IFT80: variants seen among roughly 807,000 people sequenced by gnomAD.
The protein encoded by IFT80 is intraflagellar transport 80.
Under a neutral mutation model 107.9 loss-of-function variants are expected in IFT80, and 79 were observed. The observed-to-expected ratio is 0.73, with a 90% CI of 0.61 to 0.88. The LOEUF is 0.88. Among genes scored for constraint, IFT80 ranks in the 40% least tolerant of loss-of-function variants. The probability of loss-of-function intolerance (pLI) is 0.00; values close to 1 mark genes in which losing one functional copy is unlikely to be tolerated. For synonymous variants in IFT80, 299 were observed against 300.9 expected (o/e 0.99, Z 0.07); for missense variants, 797 against 914.2 (o/e 0.87, Z 1.65).
At chr3:160,310,837 A>G (rs560987969) in intron 9 of IFT80, among the ~76,000 whole-genome samples, 10 of 152,292 alleles carry the variant, frequency 6.6e-5, no homozygotes, top group African/African-American at 2.2e-4. Flanking sequence ...ATAAATGAAC[A>G]TATTAATTGT....
Position 160,330,633 on chromosome 3 carries a change from A to G in IFT80, c.778-10694T>C, listed in dbSNP as rs187736270. ...CCGACCCCAGAGTGTCTGATTTAGTAGATGTGGGCTGGGGTCAAAAAATTT... is the reference window on the plus strand; with the variant it reads ...CCGACCCCAGAGTGTCTGATTTAGTGGATGTGGGCTGGGGTCAAAAAATTT... On this transcript the variant is annotated intron_variant, in intron 8 of 19. Transcript: ENST00000326448. Among the ~76,000 whole-genome samples, 444 of 152,254 alleles carry G rather than the reference A, an allele frequency of 2.9e-3. 2 individuals carry two copies. The highest frequency in any genetic ancestry group is 0.01 in the African/African-American group (427 of 41,550).
At chr3:160,312,832 TATA>T (rs72017904) in intron 9 of IFT80, among the ~76,000 whole-genome samples, 1,418 of 30,790 alleles carry the variant, frequency 0.046, 413 homozygotes, top group Middle Eastern at 0.071. Context: ...ATAATATATA[TATA>T]ATAAATGTAT....
chr3:160,357,595 T>G lies in IFT80; in HGVS notation c.550-17A>C. ...AGCTTTCCACTGTGAGAAAAAAGAA[T>G]AAGATATTAATTATAAGTTTAAAAG... is the stretch of plus-strand genomic sequence containing the variant. On this transcript the variant is annotated splice_polypyrimidine_tract_variant and intron_variant, in intron 6 of 19. Transcript: ENST00000326448. 1 of 1,495,372 alleles carries G rather than the reference T, an allele frequency of 6.7e-7. No individual in the cohort carries two copies. The highest frequency in any genetic ancestry group is 9.3e-7 in the Non-Finnish European group (1 of 1,074,930). The allele number at this position is 1,495,372 out of a possible 1,614,324, so 92.6% of individuals were successfully genotyped here. A position where few individuals can be genotyped will look rare whatever the true frequency, so the allele number is the denominator to read the frequency against.
chr3:160,299,680 G>T (rs913085757), intron 12 of IFT80, among the ~76,000 whole-genome samples: 1 of 152,082 alleles, frequency 6.6e-6, no homozygotes, highest in African/African-American at 2.4e-5. Flanking sequence ...AGCGCTAGCA[G>T]TATACCAATG....
At chr3:160,279,650 A>C (rs1166086918) in intron 15 of IFT80, among the ~76,000 whole-genome samples, 2 of 146,154 alleles carry the variant, frequency 1.4e-5, no homozygotes, top group African/African-American at 5.3e-5. Flanking sequence ...GCTATTCCTA[A>C]GAGCATTTGA....
intron 12 of IFT80, among the ~76,000 whole-genome samples, chr3:160,293,649 T>G (rs1715745043): frequency 1.3e-5 from 2 of 152,170 alleles, no homozygotes; most frequent in Non-Finnish European, 1.5e-5. Flanking sequence ...TGGAATTTTC[T>G]GAGTGATAGA....
chr3:160,357,555 A>AAT lies in IFT80; in HGVS notation c.571_572dup (p.Leu192PhefsTer2). The stretch of plus-strand genomic sequence containing the variant: ...TGACCGAGTTCCAATCTACTTTTAA[A>AAT]ATAATGCCATCATGAGCTTTCCACT... On this transcript the variant is annotated frameshift_variant, in exon 7 of 20. Coordinates refer to ENST00000326448, the MANE Select transcript of IFT80 (RefSeq NM_020800.3). LOFTEE classifies it high-confidence loss of function. 6.3e-7 allele frequency: 1 copy of AAT among 1,598,768 alleles called. No individual in the cohort carries two copies. The highest frequency in any genetic ancestry group is 8.6e-7 in the Non-Finnish European group (1 of 1,166,370).
At chr3:160,278,736 G>A (rs533760923) in intron 16 of IFT80, among the ~76,000 whole-genome samples, 1 of 152,220 alleles carries the variant, frequency 6.6e-6, no homozygotes, top group East Asian at 1.9e-4. Context: ...AATGTTCACT[G>A]ATGTTCAATA....
chr3:160,365,793 C>T lies in IFT80; in HGVS notation c.549+250G>A, dbSNP rs147789523. On this transcript the variant is annotated intron_variant, in intron 6 of 19. Transcript: ENST00000326448. ...TGAAGATTTGAACCCAAGTAGCTAA[C>T]TCCAAAGCCTGTGTTCTTATTAGCA... 3.6e-3 allele frequency among the ~76,000 whole-genome samples: 543 copies of T among 152,180 alleles called. 4 individuals carry two copies. Among genetic ancestry groups the T allele is most frequent in the African/African-American group, 8.9e-3 (371 of 41,538 alleles).
chr3:160,352,148 GCC>G (rs1720757035), intron 8 of IFT80, among the ~76,000 whole-genome samples: 2 of 151,416 alleles, frequency 1.3e-5, no homozygotes, highest in African/African-American at 2.4e-5. Flanking sequence ...CCGCCACCAC[GCC>G]CGGCTAATTT....
chr3:160,384,841 G>A (rs1417820523), intron 1 of IFT80, among the ~76,000 whole-genome samples, 195 bp from the exon 2 acceptor site: 1 of 152,212 alleles, frequency 6.6e-6, no homozygotes, highest in Non-Finnish European at 1.5e-5. Flanking sequence ...GCTTTGGGCT[G>A]AACCCCAGGA....
chr3:160,322,447 T>C (rs897805226), intron 8 of IFT80, among the ~76,000 whole-genome samples: 1 of 152,076 alleles, frequency 6.6e-6, no homozygotes, highest in African/African-American at 2.4e-5. Flanking sequence ...GTTGGACATT[T>C]GGGTTGGTTC....
At chr3:160,375,171 A>T (rs542113686) in intron 5 of IFT80, among the ~76,000 whole-genome samples, 1 of 152,272 alleles carries the variant, frequency 6.6e-6, no homozygotes, top group South Asian at 2.1e-4. Context: ...AAACATTAAA[A>T]CTGCTTACTG....
At chr3:160,315,680 A>C (rs898015620) in intron 9 of IFT80, among the ~76,000 whole-genome samples, 12 of 151,946 alleles carry the variant, frequency 7.9e-5, no homozygotes, top group Non-Finnish European at 1.3e-4. Flanking sequence ...AATTGTTTTC[A>C]TTGCAGCCAC....
intron 12 of IFT80, among the ~76,000 whole-genome samples, chr3:160,293,535 G>T (rs903428933): frequency 3.3e-5 from 5 of 152,166 alleles, no homozygotes; most frequent in Non-Finnish European, 7.3e-5. Flanking sequence ...TGATCCTTTT[G>T]CCATATGGGA....
chr3:160,312,995 TATATATAAATTA>T (rs1240908843), intron 9 of IFT80, among the ~76,000 whole-genome samples: 12 of 78,812 alleles, frequency 1.5e-4, no homozygotes, highest in Non-Finnish European at 2.5e-4. Flanking sequence ...AAATATATAT[TATATATAAATTA>T]ATATATAATA....
intron 5 of IFT80, among the ~76,000 whole-genome samples, chr3:160,370,051 G>T (rs528724884): frequency 6.6e-6 from 1 of 152,074 alleles, no homozygotes; most frequent in East Asian, 1.9e-4. Context: ...CCACAGAAGA[G>T]GAGACAAAAA....
intron 9 of IFT80, among the ~76,000 whole-genome samples, chr3:160,316,281 A>T (rs1017469070): frequency 1.1e-4 from 16 of 152,140 alleles, no homozygotes; most frequent in African/African-American, 3.9e-4. Context: ...TGCAAATGAC[A>T]CTGATGAACT....
At chr3:160,369,577 T>A (rs913250004) in intron 5 of IFT80, among the ~76,000 whole-genome samples, 3 of 151,964 alleles carry the variant, frequency 2.0e-5, no homozygotes, top group African/African-American at 7.2e-5. Flanking sequence ...ATAATTTGTA[T>A]TATTATGAAA....
Sources: gnomAD v4.1 joint callset for allele counts (sites outside exome capture counted in the v4.1 genomes callset) on GRCh38, gnomAD v4.1.1 for gene constraint, MANE v1.5 for transcripts, NCBI Gene and HGNC (gene_info 2026-07-23, HGNC 2026-07-21) for gene names.